The following LRP1B variants were observed in gnomAD, a reference collection of about 807,000 sequenced individuals.
The protein encoded by LRP1B is LDL receptor related protein 1B, also known as low-density lipoprotein receptor-related protein 1B.
Under a neutral mutation model 556.6 loss-of-function variants are expected in LRP1B, and 217 were observed. The observed-to-expected ratio is 0.39, with a 90% CI of 0.35 to 0.44. The LOEUF (loss-of-function observed/expected upper bound fraction) is 0.44, where lower values mean the gene tolerates loss of function less well. LRP1B is among the 20% of genes least tolerant of loss of function. The pLI is 1.00. For missense variants in LRP1B, 5,053 were observed against 5,620.8 expected, an observed-to-expected ratio of 0.90 and a Z score of 3.23; for synonymous variants, 2,047 against 1,865.8, an observed-to-expected ratio of 1.10 and a Z score of -2.50.
At chr2:140,756,156 G>GA (rs1381930138) in intron 35 of LRP1B, among the ~76,000 whole-genome samples, 1 of 151,690 alleles carries the variant, frequency 6.6e-6, no homozygotes, top group Non-Finnish European at 1.5e-5. Flanking sequence ...TCTGAAAACT[G>GA]AAAATCATTT....
intron 21 of LRP1B, among the ~76,000 whole-genome samples, chr2:140,915,226 G>C (rs1462381541): frequency 6.6e-6 from 1 of 151,972 alleles, no homozygotes; most frequent in Non-Finnish European, 1.5e-5. Flanking sequence ...AATCAAAGAA[G>C]TGTTTTTCAG....
chr2:140,888,929 C>T (rs902066286), intron 23 of LRP1B, among the ~76,000 whole-genome samples: 1 of 146,642 alleles, frequency 6.8e-6, no homozygotes, highest in African/African-American at 2.6e-5. Context: ...TGCCACTGCA[C>T]TCCAGCCTGC....
chr2:140,546,498 G>A (rs1421516104), intron 43 of LRP1B, among the ~76,000 whole-genome samples: 3 of 152,080 alleles, frequency 2.0e-5, no homozygotes, highest in Non-Finnish European at 4.4e-5. Context: ...TAGCAAACAC[G>A]TTCTTCTTAA....
At chr2:141,681,224 T>A (rs1691089918) in intron 2 of LRP1B, among the ~76,000 whole-genome samples, 1 of 151,886 alleles carries the variant, frequency 6.6e-6, no homozygotes, top group Non-Finnish European at 1.5e-5. Context: ...GCCAAGGAGG[T>A]TGAGGCTGCT....
intron 25 of LRP1B, among the ~76,000 whole-genome samples, chr2:140,880,433 ACT>A (rs1489533546): frequency 1.3e-5 from 2 of 152,036 alleles, no homozygotes; most frequent in African/African-American, 4.8e-5. Flanking sequence ...CCTCCCTAAG[ACT>A]CTCAATTTAC....
chr2:140,800,262 C>T (rs1413196536), intron 32 of LRP1B, among the ~76,000 whole-genome samples: 4 of 151,708 alleles, frequency 2.6e-5, no homozygotes, highest in South Asian at 2.1e-4. Context: ...GGAGGAGGAG[C>T]GGGGAGGGAA....
At chr2:140,781,585 C>A (rs1320630889) in intron 32 of LRP1B, among the ~76,000 whole-genome samples, 1 of 152,052 alleles carries the variant, frequency 6.6e-6, no homozygotes, top group Non-Finnish European at 1.5e-5. Context: ...CCATTATAGA[C>A]CTAATATTCT....
At chr2:140,678,892 C>T (rs942189894) in intron 41 of LRP1B, among the ~76,000 whole-genome samples, 2 of 152,058 alleles carry the variant, frequency 1.3e-5, no homozygotes, top group South Asian at 4.1e-4. Context: ...ATTCACCTGC[C>T]TCAGCCTCCT....
At chr2:141,264,562 C>G (rs960570719) in intron 3 of LRP1B, among the ~76,000 whole-genome samples, 3 of 152,106 alleles carry the variant, frequency 2.0e-5, no homozygotes, top group Admixed American at 6.5e-5. Flanking sequence ...TCAAGCAATT[C>G]TCCTGCCTCA....
intron 60 of LRP1B, among the ~76,000 whole-genome samples, chr2:140,472,664 C>T (rs1175995155): frequency 6.6e-6 from 1 of 152,002 alleles, no homozygotes; most frequent in Admixed American, 6.6e-5. Context: ...TTAGAAACCT[C>T]AGATATTCTT....
At chr2:142,010,437 T>C (rs932416366) in intron 1 of LRP1B, among the ~76,000 whole-genome samples, 2 of 150,106 alleles carry the variant, frequency 1.3e-5, no homozygotes, top group Admixed American at 6.7e-5. Flanking sequence ...GCCTGTAGTC[T>C]CAGCTACTCG....
chr2:141,432,195 T>C (rs571620515), intron 3 of LRP1B, among the ~76,000 whole-genome samples: 1 of 152,234 alleles, frequency 6.6e-6, no homozygotes, highest in East Asian at 1.9e-4. Flanking sequence ...AAATGCTTTT[T>C]CTGTATCTTT....
At chr2:141,922,359 A>G (rs879078838) in intron 1 of LRP1B, among the ~76,000 whole-genome samples, 70 of 152,312 alleles carry the variant, frequency 4.6e-4, no homozygotes, top group African/African-American at 1.6e-3. Flanking sequence ...CTAAGGACTT[A>G]TATCTTTGCA....
At chr2:141,607,756 G>A (rs900622396) in intron 2 of LRP1B, among the ~76,000 whole-genome samples, 16 of 151,862 alleles carry the variant, frequency 1.1e-4, no homozygotes, top group Non-Finnish European at 1.3e-4. Flanking sequence ...GACCTCATCC[G>A]TACTAAAAAT....
intron 1 of LRP1B, among the ~76,000 whole-genome samples, chr2:141,985,825 AAT>A (rs1234533992): frequency 1.3e-5 from 2 of 151,960 alleles, no homozygotes; most frequent in African/African-American, 4.8e-5. Context: ...CTGTATAGCA[AAT>A]ATGTTTCACC....
At chr2:140,768,239 GT>G (rs2104931997) in intron 35 of LRP1B, among the ~76,000 whole-genome samples, 1 of 151,908 alleles carries the variant, frequency 6.6e-6, no homozygotes, top group East Asian at 1.9e-4. Flanking sequence ...GTAGTCCAGA[GT>G]TTTATTAATA....
chr2:140,436,846 C>T (rs192905559), intron 66 of LRP1B, among the ~76,000 whole-genome samples: 2 of 152,092 alleles, frequency 1.3e-5, no homozygotes, highest in Non-Finnish European at 2.9e-5. Context: ...ATAAGTGTCA[C>T]ACTCACCTGG....
At chr2:140,721,181 C>T (rs1159210772) in intron 35 of LRP1B, among the ~76,000 whole-genome samples, 2 of 152,052 alleles carry the variant, frequency 1.3e-5, no homozygotes, top group Admixed American at 1.3e-4. Context: ...AATACAATAT[C>T]TCAATGTATG....
At chr2:140,801,942 T>C (rs1690529265) in intron 32 of LRP1B, among the ~76,000 whole-genome samples, 1 of 151,818 alleles carries the variant, frequency 6.6e-6, no homozygotes, top group Non-Finnish European at 1.5e-5. Flanking sequence ...ACAACAGTAA[T>C]GAAACAAACA....
Sources: allele counts gnomAD v4.1 joint callset (sites outside exome capture counted in the v4.1 genomes callset), GRCh38; gene constraint gnomAD v4.1.1; transcripts MANE v1.5; gene names NCBI Gene and HGNC (gene_info 2026-07-23, HGNC 2026-07-21).